Variants in RNF111 observed in about 807,000 individuals in gnomAD.
The protein encoded by RNF111 is E3 ubiquitin-protein ligase Arkadia.
Under a neutral mutation model 95.1 loss-of-function variants are expected in RNF111, and 17 were observed. That is an observed-to-expected ratio of 0.18 (90% CI 0.12 to 0.27). RNF111 has a LOEUF of 0.27. RNF111 is among the 10% of genes least tolerant of loss of function. RNF111 has a pLI of 1.00. For missense variants in RNF111, 1,189 were observed against 1,210.4 expected (o/e 0.98, Z 0.26); for synonymous variants, 440 against 414.8 (o/e 1.06, Z -0.74).
chr15:59,054,349 A>G (rs2042118686), intron 3 of RNF111, among the ~76,000 whole-genome samples: 1 of 152,006 alleles, frequency 6.6e-6, no homozygotes, highest in Non-Finnish European at 1.5e-5. Flanking sequence ...TTCCTCATAC[A>G]TTCATGTTTT....
chr15:59,026,325 C>G (rs2040605359), intron 1 of RNF111, among the ~76,000 whole-genome samples: 1 of 151,770 alleles, frequency 6.6e-6, no homozygotes, highest in Admixed American at 6.6e-5. Context: ...TTTCTTAGTG[C>G]AAGGTTTACT....
chr15:59,016,036 A>C (rs923198960), intron 1 of RNF111, among the ~76,000 whole-genome samples: 1 of 151,756 alleles, frequency 6.6e-6, no homozygotes, highest in Non-Finnish European at 1.5e-5. Flanking sequence ...TTTTTAGTAG[A>C]GACAGGGTTT....
intron 2 of RNF111, among the ~76,000 whole-genome samples, chr15:59,047,956 A>G (rs992269634): frequency 3.3e-5 from 5 of 152,356 alleles, no homozygotes; most frequent in Admixed American, 2.0e-4. Flanking sequence ...AAAAGAAACA[A>G]TAATAGGTAC....
chr15:59,089,566 G>A lies in RNF111; in HGVS notation c.2551-101G>A, dbSNP rs999363929. The A allele has an allele frequency of 9.1e-6, 8 of 879,648 alleles. No individual in the cohort carries two copies. The South Asian group carries it at 1.1e-4, about 12-fold the overall frequency. The allele number at this position is 879,648 out of a possible 1,614,324, so 54.5% of individuals were successfully genotyped here. On this transcript the variant is annotated intron_variant, in intron 10 of 13. Coordinates refer to ENST00000348370, the MANE Select transcript of RNF111 (RefSeq NM_017610.8). ...TTATTGAAGTCAAATTTTATGAGCAGTTGAATTGAAAACATTGAGGGTCTT... is the reference window on the plus strand; with the variant it reads ...TTATTGAAGTCAAATTTTATGAGCAATTGAATTGAAAACATTGAGGGTCTT...
At chr15:58,991,009 G>C (rs1218482898) in intron 1 of RNF111, among the ~76,000 whole-genome samples, 3 of 151,982 alleles carry the variant, frequency 2.0e-5, no homozygotes, top group Non-Finnish European at 4.4e-5. Context: ...CAAATACTTA[G>C]CTGAGGCTGG....
intron 1 of RNF111, among the ~76,000 whole-genome samples, chr15:59,024,914 A>C (rs1291642687): frequency 6.6e-6 from 1 of 152,222 alleles, no homozygotes; most frequent in African/African-American, 2.4e-5. Context: ...ATATAAGTGG[A>C]ATCATACAAT....
At chr15:59,088,853 C>T (rs60262196) in intron 10 of RNF111, among the ~76,000 whole-genome samples, 1 of 152,024 alleles carries the variant, frequency 6.6e-6, no homozygotes, top group East Asian at 1.9e-4. Context: ...AACTTATTCT[C>T]TCCATAAGGT....
Position 59,052,365 on chromosome 15 carries a change from A to G in RNF111, c.941A>G (p.Asn314Ser), listed in dbSNP as rs759828226. 2.5e-6 allele frequency: 4 copies of G among 1,607,046 alleles called. No individual in the cohort carries two copies. The Admixed American group carries it at 6.8e-5, about 27-fold the overall frequency. Residue 314 changes from asparagine to serine, a missense_variant, in exon 3 of 14, where the codon AAT becomes AGT. Physicochemically the swap from Asn to Ser is conservative, Grantham distance 46. Around this residue, in one of 2 missense-constraint regions of RNF111, gnomAD observed 1,024 missense variants for 925.9 expected, o/e 1.11. Coordinates refer to ENST00000348370, the MANE Select transcript of RNF111 (RefSeq NM_017610.8). ...EASSTPQVTA[N>S]EEINVTSTDS... ...TCCTCCACTCCCCAGGTTACTGCCA[A>G]TGAAGAAATTAATGTTACCTCAACT... is the stretch of plus-strand genomic sequence containing the variant.
intron 4 of RNF111, among the ~76,000 whole-genome samples, chr15:59,056,565 A>G (rs1251321781): frequency 6.6e-6 from 1 of 152,194 alleles, no homozygotes; most frequent in African/African-American, 2.4e-5. Flanking sequence ...AATTGGGCAA[A>G]GAATATATCA....
chr15:59,032,331 T>G (rs569699386), intron 2 of RNF111, among the ~76,000 whole-genome samples: 1 of 152,340 alleles, frequency 6.6e-6, no homozygotes, highest in Admixed American at 6.5e-5. Flanking sequence ...TTTAATATGC[T>G]TGACTGTTAT....
At chr15:59,049,987 G>T (rs1254181932) in intron 2 of RNF111, among the ~76,000 whole-genome samples, 28 of 151,226 alleles carry the variant, frequency 1.9e-4, no homozygotes, top group Admixed American at 1.8e-3. Context: ...TGATCCTCCT[G>T]CCTCAGACTC....
intron 6 of RNF111, among the ~76,000 whole-genome samples, chr15:59,071,017 G>A (rs1209158651): frequency 6.6e-6 from 1 of 152,154 alleles, no homozygotes; most frequent in Non-Finnish European, 1.5e-5. Context: ...CGAAGAAGTG[G>A]CCGGGCGCGG....
chr15:59,025,196 T>G (rs1284081128), intron 1 of RNF111, among the ~76,000 whole-genome samples: 1 of 152,184 alleles, frequency 6.6e-6, no homozygotes, highest in Non-Finnish European at 1.5e-5. Context: ...GAAATCAAGT[T>G]TATCTTATAG....
chr15:59,065,880 G>C (rs571606686), intron 5 of RNF111, among the ~76,000 whole-genome samples: 1 of 152,130 alleles, frequency 6.6e-6, no homozygotes, highest in Non-Finnish European at 1.5e-5. Flanking sequence ...GCGTGGTGGT[G>C]TGTGCCTATG....
At chr15:58,995,764 C>CTTTTT (rs34209382) in intron 1 of RNF111, among the ~76,000 whole-genome samples, 11 of 99,526 alleles carry the variant, frequency 1.1e-4, no homozygotes, top group South Asian at 3.4e-4. Context: ...GTGCCCCGGC[C>CTTTTT]TTTTTTTTTT....
chr15:59,045,253 C>T (rs918937492), intron 2 of RNF111, among the ~76,000 whole-genome samples: 7 of 150,692 alleles, frequency 4.6e-5, no homozygotes, highest in Non-Finnish European at 8.8e-5. Flanking sequence ...TGCAGTGGCA[C>T]GATCTTGGCT....
intron 5 of RNF111, among the ~76,000 whole-genome samples, chr15:59,062,749 G>A (rs528606125): frequency 6.6e-6 from 1 of 152,186 alleles, no homozygotes; most frequent in Admixed American, 6.5e-5. Context: ...TTATATGATA[G>A]TGGAGCAAGA....
chr15:59,001,111 A>G (rs578226307), intron 1 of RNF111, among the ~76,000 whole-genome samples: 1 of 152,306 alleles, frequency 6.6e-6, no homozygotes, highest in East Asian at 1.9e-4. Context: ...AAGGAAGTGA[A>G]TGAGTGAGCC....
chr15:59,019,103 G>GTTTTTTT (rs1426442384), intron 1 of RNF111, among the ~76,000 whole-genome samples: 12 of 127,452 alleles, frequency 9.4e-5, no homozygotes, highest in African/African-American at 3.3e-4. Context: ...TTGTATTTTT[G>GTTTTTTT]TATTTTTTTT....
Sources: allele counts gnomAD v4.1 joint callset (sites outside exome capture counted in the v4.1 genomes callset), GRCh38; gene constraint gnomAD v4.1.1; regional missense constraint gnomAD v4.1.1; transcripts MANE v1.5; gene names NCBI Gene and HGNC (gene_info 2026-07-23, HGNC 2026-07-21).